The following SV2C variants were observed in gnomAD, a reference collection of about 807,000 sequenced individuals.
The protein encoded by SV2C is synaptic vesicle glycoprotein 2C.
SV2C carries 49 observed loss-of-function variants against 79.7 expected under a neutral mutation model. The observed-to-expected ratio is 0.61, with a 90% CI of 0.49 to 0.78. The LOEUF (loss-of-function observed/expected upper bound fraction) is 0.78, where lower values mean the gene tolerates loss of function less well. Among genes scored for constraint, SV2C ranks in the 30% least tolerant of loss-of-function variants. SV2C has a pLI of 0.00. For synonymous variants in SV2C, 334 were observed against 333.2 expected (o/e 1.00, Z -0.03); for missense variants, 833 against 912.9 (o/e 0.91, Z 1.13).
chr5:76,027,055 T>C, the SV2C span, among the ~76,000 whole-genome samples: 54 of 150,148 alleles, frequency 3.6e-4, no homozygotes, highest in Non-Finnish European at 7.1e-4. Context: ...TTATTTTCAG[T>C]TGTCTTTTTT....
chr5:76,036,396 C>T, the SV2C span, among the ~76,000 whole-genome samples: 1 of 152,204 alleles, frequency 6.6e-6, no homozygotes, highest in Non-Finnish European at 1.5e-5. Context: ...TTTTTCCCTT[C>T]CATGTTTAGT....
At chr5:76,229,332 G>T (rs1745344858) in intron 4 of SV2C, among the ~76,000 whole-genome samples, 1 of 152,224 alleles carries the variant, frequency 6.6e-6, no homozygotes, top group Non-Finnish European at 1.5e-5. Flanking sequence ...TTGCTCTCAG[G>T]TTTCACATTG....
At chr5:75,920,170 G>A in the SV2C span, among the ~76,000 whole-genome samples, 1 of 152,234 alleles carries the variant, frequency 6.6e-6, no homozygotes, top group Non-Finnish European at 1.5e-5. Flanking sequence ...GGCATTCTGA[G>A]AGTAAACGCT....
At chr5:76,292,896 T>C (rs1479711878) in intron 8 of SV2C, among the ~76,000 whole-genome samples, 3 of 152,194 alleles carry the variant, frequency 2.0e-5, no homozygotes, top group Non-Finnish European at 4.4e-5. Flanking sequence ...AATTAGATAA[T>C]ACTCTACACT....
downstream of SV2C, among the ~76,000 whole-genome samples, chr5:76,338,184 A>T (rs1749364679): frequency 6.6e-6 from 1 of 152,224 alleles, no homozygotes; most frequent in Admixed American, 6.5e-5. Flanking sequence ...CCCTGCAGCC[A>T]CTGGAACTCC....
the SV2C span, among the ~76,000 whole-genome samples, chr5:76,038,009 G>A: frequency 6.6e-6 from 1 of 152,302 alleles, no homozygotes; most frequent in Middle Eastern, 3.4e-3. Flanking sequence ...GATTTTCCAG[G>A]TGCCGTCTGT....
chr5:76,288,216 T>C (rs1309659418), intron 6 of SV2C, among the ~76,000 whole-genome samples: 1 of 152,216 alleles, frequency 6.6e-6, no homozygotes, highest in Non-Finnish European at 1.5e-5. Context: ...ATTACAGTTC[T>C]TAAAACACAT....
chr5:76,174,346 G>A (rs1397850677), intron 2 of SV2C, among the ~76,000 whole-genome samples: 1 of 152,266 alleles, frequency 6.6e-6, no homozygotes, highest in African/African-American at 2.4e-5. Context: ...CTGAATCTGG[G>A]CGAGGTTTTC....
At chr5:76,325,115 A>G (rs995597280) in intron 12 of SV2C, among the ~76,000 whole-genome samples, 1 of 152,220 alleles carries the variant, frequency 6.6e-6, no homozygotes, top group Non-Finnish European at 1.5e-5. Flanking sequence ...TCTGTTCACA[A>G]TACATTGGGA....
At chr5:76,179,013 C>T (rs923225926) in intron 2 of SV2C, among the ~76,000 whole-genome samples, 2 of 152,142 alleles carry the variant, frequency 1.3e-5, no homozygotes, top group South Asian at 2.1e-4. Context: ...AAAAGGATGA[C>T]ATAATACATA....
intron 1 of SV2C, among the ~76,000 whole-genome samples, chr5:76,124,857 C>A (rs945190070): frequency 1.3e-5 from 2 of 152,132 alleles, no homozygotes; most frequent in Non-Finnish European, 2.9e-5. Flanking sequence ...AATAAGCATG[C>A]TTTGGTTTTG....
intron 3 of SV2C, among the ~76,000 whole-genome samples, chr5:76,197,308 A>G (rs1744297581): frequency 6.6e-6 from 1 of 152,264 alleles, no homozygotes; most frequent in African/African-American, 2.4e-5. Flanking sequence ...AAGCTGTTCT[A>G]TGTTGATTGC....
chr5:75,849,431 A>C, the SV2C span, among the ~76,000 whole-genome samples: 1 of 152,240 alleles, frequency 6.6e-6, no homozygotes, highest in Non-Finnish European at 1.5e-5. Context: ...CTATAAAGCA[A>C]TACCTTTATA....
At chr5:75,909,726 A>C in the SV2C span, among the ~76,000 whole-genome samples, 1 of 152,160 alleles carries the variant, frequency 6.6e-6, no homozygotes, top group Non-Finnish European at 1.5e-5. Flanking sequence ...TTTTCCTGTA[A>C]GCTACTGTTA....
At chr5:76,013,168 T>C in the SV2C span, among the ~76,000 whole-genome samples, 3 of 152,212 alleles carry the variant, frequency 2.0e-5, no homozygotes, top group Non-Finnish European at 4.4e-5. Flanking sequence ...TTGATGGGGA[T>C]AGCATTGAAT....
At chr5:76,171,947 C>T (rs1743290580) in intron 2 of SV2C, among the ~76,000 whole-genome samples, 1 of 128,678 alleles carries the variant, frequency 7.8e-6, no homozygotes, top group Non-Finnish European at 1.7e-5. Flanking sequence ...GGGGGGTCAG[C>T]CCCCCGCCTG....
In SV2C at chr5:76,212,152, C is replaced by T. The variant is rs140641321; in HGVS notation, c.913+2265C>T. Among the ~76,000 whole-genome samples, 156 of 152,092 alleles carry T rather than the reference C, an allele frequency of 1.0e-3. 1 individual carries two copies. The highest frequency in any genetic ancestry group is 4.3e-3 in the Admixed American group (66 of 15,278). ...CCTCAGCCACCCTCAGAACCTTCCT[C>T]GGTAGAGCAGCATCTAACTCATGCC... On this transcript the variant is annotated intron_variant, in intron 4 of 12. Coordinates refer to ENST00000502798, the MANE Select transcript of SV2C (RefSeq NM_014979.4).
At chr5:76,239,054 A>G (rs1392743913) in intron 4 of SV2C, among the ~76,000 whole-genome samples, 1 of 151,226 alleles carries the variant, frequency 6.6e-6, no homozygotes, top group Non-Finnish European at 1.5e-5. Flanking sequence ...TCAACATCTG[A>G]CCCTTTTGGG....
chr5:76,350,938 C>T (rs10041008), intron 12 of SV2C, among the ~76,000 whole-genome samples: 25,508 of 150,970 alleles, frequency 0.17, 2,824 homozygotes, highest in Non-Finnish European at 0.26. Flanking sequence ...CGCTTGAACC[C>T]GGGAGGCGGA....
Sources: gnomAD v4.1 joint callset for allele counts (sites outside exome capture counted in the v4.1 genomes callset) on GRCh38, gnomAD v4.1.1 for gene constraint, MANE v1.5 for transcripts, NCBI Gene and HGNC (gene_info 2026-07-23, HGNC 2026-07-21) for gene names.